Variants in SDC1 observed in about 807,000 individuals in gnomAD.
The protein encoded by SDC1 is syndecan-1.
SDC1 carries 14 observed loss-of-function variants against 29.7 expected under a neutral mutation model. The ratio of observed to expected loss-of-function variants is 0.47; its 90% CI spans 0.31 to 0.74. The LOEUF (loss-of-function observed/expected upper bound fraction) is 0.74, where lower values mean the gene tolerates loss of function less well. Among genes scored for constraint, SDC1 ranks in the 30% least tolerant of loss-of-function variants. The pLI, the probability that SDC1 is intolerant of heterozygous loss-of-function variation, is 0.05. For synonymous variants in SDC1, 204 were observed against 175.5 expected (o/e 1.16, Z -1.29); for missense variants, 406 against 400.3 (o/e 1.01, Z -0.12).
Position 20,224,505 on chromosome 2 carries a change from G to T in SDC1, c.66+297C>A, listed in dbSNP as rs1195440460. Among the ~76,000 whole-genome samples the T allele has an allele frequency of 6.6e-6, 1 of 151,650 alleles. No homozygotes were observed. The highest frequency in any genetic ancestry group is 2.4e-5 in the African/African-American group (1 of 41,350). ...GAGGAGGGTGGGAACGGGCGACCCCGGGCGCCGCTGTGGGCTGGCGGGCTC... is the reference window on the plus strand; with the variant it reads ...GAGGAGGGTGGGAACGGGCGACCCCTGGCGCCGCTGTGGGCTGGCGGGCTC... On this transcript the variant is annotated intron_variant, in intron 1 of 4. Coordinates refer to ENST00000254351, the MANE Select transcript of SDC1 (RefSeq NM_002997.5). The surrounding 1 kb of genome is among the most constrained non-coding windows in gnomAD (Gnocchi z 4.9).
At chr2:20,223,323 C>G in intron 1 of SDC1, 2 of 1,285,752 alleles carry the variant, frequency 1.6e-6, no homozygotes, top group Non-Finnish European at 2.0e-6. Flanking sequence ...CTGGCAGCTA[C>G]TACACGAGGC....
At chr2:20,203,422 C>T in intron 3 of SDC1, among the ~76,000 whole-genome samples, 200 bp from the exon 4 acceptor site, 1 of 152,332 alleles carries the variant, frequency 6.6e-6, no homozygotes, top group East Asian at 1.9e-4. Context: ...TGGACCATGG[C>T]ATGGATATCA....
At chr2:20,210,355 T>G (rs1050801088) in intron 1 of SDC1, among the ~76,000 whole-genome samples, 2 of 152,062 alleles carry the variant, frequency 1.3e-5, no homozygotes, top group Admixed American at 6.6e-5. Flanking sequence ...CCGGCAGAGC[T>G]CCCAGCTCCT....
chr2:20,207,791 A>C (rs980856402), intron 1 of SDC1: 109 of 205,880 alleles, frequency 5.3e-4, no homozygotes, highest in Non-Finnish European at 5.7e-4. Flanking sequence ...CAACATCTCC[A>C]TGTGGTGCTT....
Position 20,224,010 on chromosome 2 carries a change from G to T in SDC1, c.66+792C>A, listed in dbSNP as rs1334334336. 1.3e-5 allele frequency among the ~76,000 whole-genome samples: 2 copies of T among 152,166 alleles called. No homozygotes were observed. Among genetic ancestry groups the T allele is most frequent in the African/African-American group, 4.8e-5 (2 of 41,460 alleles). On this transcript the variant is annotated intron_variant, in intron 1 of 4. Transcript: ENST00000254351. This position sits in a 1 kb window ranked among gnomAD's most constrained non-coding sequence, Gnocchi z 4.9. Reference sequence around the variant, plus strand: ...TCAGCACAAAGCCGAGCCGGGGAGCGGGAGGCCATTCCCGGGTCCCCTCGC... The same window carrying T: ...TCAGCACAAAGCCGAGCCGGGGAGCTGGAGGCCATTCCCGGGTCCCCTCGC...
chr2:20,202,306 T>C lies in SDC1; in HGVS notation c.*460A>G. Reference sequence around the variant, plus strand: ...CTCCCCACGAAACAAAGTGGACTCCTGTCCCCTGCCACTCAGCGGCCACCC... The same window carrying C: ...CTCCCCACGAAACAAAGTGGACTCCCGTCCCCTGCCACTCAGCGGCCACCC... On this transcript the variant is annotated 3_prime_UTR_variant, in exon 5 of 5. Transcript: ENST00000254351. 1 of 778,354 alleles carries C rather than the reference T, an allele frequency of 1.3e-6. No individual in the cohort carries two copies. Among genetic ancestry groups the C allele is most frequent in the South Asian group, 1.3e-5 (1 of 74,250 alleles). 48.2% of individuals were successfully genotyped at this position (778,354 alleles called of 1,614,324 possible).
chr2:20,202,097 T>A lies in SDC1; in HGVS notation c.*669A>T, dbSNP rs1268463119. 1.3e-5 allele frequency: 6 copies of A among 462,772 alleles called. No homozygotes were observed. The highest frequency in any genetic ancestry group is 4.4e-5 in the African/African-American group (2 of 45,800). 28.7% of individuals were successfully genotyped at this position (462,772 alleles called of 1,614,324 possible). A position where few individuals can be genotyped will look rare whatever the true frequency, so the allele number is the denominator to read the frequency against. On this transcript the variant is annotated 3_prime_UTR_variant, in exon 5 of 5. Coordinates refer to ENST00000254351, the MANE Select transcript of SDC1 (RefSeq NM_002997.5). The stretch of plus-strand genomic sequence containing the variant: ...GCTTCCAGATTTGGTTCTCCTAGTT[T>A]AAAAAAAAAAAAAAAAAGTCTTCTT...
intron 2 of SDC1, among the ~76,000 whole-genome samples, chr2:20,205,007 C>A (rs1190062123): frequency 6.6e-6 from 1 of 152,238 alleles, no homozygotes; most frequent in African/African-American, 2.4e-5. Context: ...AAAACAGAGG[C>A]TCAGGAGTCA....
Position 20,224,896 on chromosome 2 carries a change from C to A in SDC1, c.-29G>T. On this transcript the variant is annotated 5_prime_UTR_variant, in exon 1 of 5. Coordinates refer to ENST00000254351, the MANE Select transcript of SDC1 (RefSeq NM_002997.5). The surrounding 1 kb of genome is among the most constrained non-coding windows in gnomAD (Gnocchi z 4.9). ...GCCCGGACCGGCGGCGGGAGAGCGG[C>A]AGGCTGCGCGGGTCGCGGCTGCGGG... 2.5e-6 allele frequency: 3 copies of A among 1,211,490 alleles called. No individual in the cohort carries two copies. Among genetic ancestry groups the A allele is most frequent in the Non-Finnish European group, 3.1e-6 (3 of 975,684 alleles). 75.0% of individuals were successfully genotyped at this position (1,211,490 alleles called of 1,614,324 possible).
At chr2:20,213,479 T>A (rs1677537651) in intron 1 of SDC1, among the ~76,000 whole-genome samples, 1 of 152,220 alleles carries the variant, frequency 6.6e-6, no homozygotes, top group African/African-American at 2.4e-5. Flanking sequence ...CTTGGTATCA[T>A]CACCCTCAGC....
At chr2:20,212,703 T>G (rs374245158) in intron 1 of SDC1, among the ~76,000 whole-genome samples, 1 of 149,842 alleles carries the variant, frequency 6.7e-6, no homozygotes, top group East Asian at 2.0e-4. Context: ...AGGCAGGGAG[T>G]GATGGGCCCG....
At chr2:20,205,286 C>G in intron 2 of SDC1, 57 bp downstream of exon 2, 1 of 1,293,494 alleles carries the variant, frequency 7.7e-7, no homozygotes, top group Admixed American at 1.7e-5. Flanking sequence ...CTGACCACTG[C>G]CCACAGGCAT....
At chr2:20,214,404 T>A (rs1677569830) in intron 1 of SDC1, among the ~76,000 whole-genome samples, 1 of 151,660 alleles carries the variant, frequency 6.6e-6, no homozygotes, top group Non-Finnish European at 1.5e-5. Flanking sequence ...TCCCTTCTGG[T>A]TTGGGGGATG....
intron 1 of SDC1, among the ~76,000 whole-genome samples, chr2:20,212,645 G>A (rs1677503296): frequency 1.3e-5 from 2 of 152,206 alleles, no homozygotes; most frequent in Admixed American, 6.5e-5. Flanking sequence ...TCAGCTCACT[G>A]GCTCTCTACT....
chr2:20,222,910 T>A (rs1677865956), intron 1 of SDC1, among the ~76,000 whole-genome samples: 1 of 152,160 alleles, frequency 6.6e-6, no homozygotes, highest in African/African-American at 2.4e-5. Context: ...GGCCCCATCA[T>A]GTGCGAGAAT....
chr2:20,225,019 G>C lies in SDC1; in HGVS notation c.-152C>G. 1 of 934,932 alleles carries C rather than the reference G, an allele frequency of 1.1e-6. No homozygotes were observed. The highest frequency in any genetic ancestry group is 1.4e-6 in the Non-Finnish European group (1 of 735,624). 57.9% of individuals were successfully genotyped at this position (934,932 alleles called of 1,614,324 possible). On this transcript the variant is annotated 5_prime_UTR_variant, in exon 1 of 5. Coordinates refer to ENST00000254351, the MANE Select transcript of SDC1 (RefSeq NM_002997.5). ...CTGCAGGGTCCGCCGGCTGGAGTCCGCTCTCTACTGCCGGATTCCTCTCCG... is the reference window on the plus strand; with the variant it reads ...CTGCAGGGTCCGCCGGCTGGAGTCCCCTCTCTACTGCCGGATTCCTCTCCG...
intron 3 of SDC1, 79 bp from the exon 4 acceptor site, chr2:20,203,301 G>A (rs1382654734): frequency 2.0e-6 from 3 of 1,484,018 alleles, no homozygotes; most frequent in Non-Finnish European, 2.7e-6. Flanking sequence ...AGACCCAGAA[G>A]CAGCTCCTGC....
chr2:20,208,573 G>A (rs1184031711), intron 1 of SDC1, among the ~76,000 whole-genome samples: 1 of 152,226 alleles, frequency 6.6e-6, no homozygotes, highest in East Asian at 1.9e-4. Context: ...TTTGAACTTG[G>A]ATTACCAAGG....
At chr2:20,225,211 T>G, upstream of SDC1, 3 of 85,352 alleles carry the variant, frequency 3.5e-5, no homozygotes, top group Non-Finnish European at 6.9e-5. Flanking sequence ...CAGCCACCCC[T>G]CCCGGCCCCT....
Sources: allele counts gnomAD v4.1 joint callset (sites outside exome capture counted in the v4.1 genomes callset), GRCh38; gene constraint gnomAD v4.1.1; non-coding constraint Gnocchi (gnomAD v3.1); transcripts MANE v1.5; gene names NCBI Gene and HGNC (gene_info 2026-07-23, HGNC 2026-07-21).